The following GPSM1 variants were observed in gnomAD, a reference collection of about 807,000 sequenced individuals.
The protein encoded by GPSM1 is G protein-signaling modulator 1.
A neutral mutation model predicts 70.5 loss-of-function variants in GPSM1; 48 were observed. That is an observed-to-expected ratio of 0.68 (90% CI 0.54 to 0.87). The LOEUF (loss-of-function observed/expected upper bound fraction) is 0.87, where lower values mean the gene tolerates loss of function less well. GPSM1 is among the 40% of genes least tolerant of loss of function. The pLI, the probability that GPSM1 is intolerant of heterozygous loss-of-function variation, is 0.00. For synonymous variants in GPSM1, 416 were observed against 430.1 expected, an observed-to-expected ratio of 0.97 and a Z score of 0.41; for missense variants, 981 against 972.6, an observed-to-expected ratio of 1.01 and a Z score of -0.11.
rs566955543 is a variant in GPSM1, at chr9:136,358,296, C to T, written c.*76C>T. The T allele has an allele frequency of 7.3e-5, 96 of 1,307,544 alleles. No individual in the cohort carries two copies. In the Middle Eastern group the frequency reaches 7.6e-4, roughly 10 times the overall value. 81.0% of individuals were successfully genotyped at this position (1,307,544 alleles called of 1,614,324 possible). A position where few individuals can be genotyped will look rare whatever the true frequency, so the allele number is the denominator to read the frequency against. ...TCTCACAGTCACAGCCACGTCCTCC[C>T]GAGGCCATTGCCGAGGACAGGCACT... is the stretch of plus-strand genomic sequence containing the variant. On this transcript the variant is annotated 3_prime_UTR_variant, in exon 14 of 14. Coordinates refer to ENST00000440944, the MANE Select transcript of GPSM1 (RefSeq NM_001145638.3).
chr9:136,337,922 T>C lies in GPSM1; in HGVS notation c.779T>C (p.Val260Ala). Residue 260 changes from valine to alanine, a missense_variant, in exon 6 of 14, where the codon GTC becomes GCC. Transcript: ENST00000440944. ...TACAGCAACCTGGGGAACGCCCACG[T>C]CTTCCTGGGGCGCTTTGACGTGGCC... ...RAYSNLGNAH[V>A]FLGRFDVAAE... 1 of 1,612,450 alleles carries C rather than the reference T, an allele frequency of 6.2e-7. No individual in the cohort carries two copies. Among genetic ancestry groups the C allele is most frequent in the Non-Finnish European group, 8.5e-7 (1 of 1,179,670 alleles).
chr9:136,354,597 G>T (rs1261099212), intron 11 of GPSM1, among the ~76,000 whole-genome samples: 1 of 152,238 alleles, frequency 6.6e-6, no homozygotes, highest in Non-Finnish European at 1.5e-5. Flanking sequence ...GGAGGTGGAC[G>T]GGGCTTGGAA....
At chr9:136,349,483 G>C in intron 10 of GPSM1, 104 bp from the exon 11 acceptor site, 1 of 1,011,156 alleles carries the variant, frequency 9.9e-7, no homozygotes, top group African/African-American at 1.6e-5. Context: ...CACCTACGGC[G>C]TGCATCCATG....
At chr9:136,356,578 C>G in intron 13 of GPSM1, 28 bp downstream of exon 13, 9 of 1,544,504 alleles carry the variant, frequency 5.8e-6, no homozygotes, top group Non-Finnish European at 8.0e-6. Flanking sequence ...GCGGGCGTGG[C>G]TCGCGGCCCC....
chr9:136,356,587 C>T (rs1424158079), intron 13 of GPSM1, 37 bp downstream of exon 13: 1 of 1,505,932 alleles, frequency 6.6e-7, no homozygotes, highest in Non-Finnish European at 9.1e-7. Context: ...GCTCGCGGCC[C>T]CTTTGCCATC....
At chr9:136,347,618 C>T (rs962594339) in intron 9 of GPSM1, among the ~76,000 whole-genome samples, 7 of 152,220 alleles carry the variant, frequency 4.6e-5, no homozygotes, top group Non-Finnish European at 7.3e-5. Flanking sequence ...TCCGTCCCGC[C>T]GCCTCCTCAG....
chr9:136,355,769 A>G lies in GPSM1; in HGVS notation c.1535A>G (p.Asp512Gly). The change falls in exon 12 of 14, where the codon GAC (aspartate) becomes GGC (glycine). Residue 512 changes from aspartate (D) to glycine (G), a missense_variant. Physicochemically the swap from Asp to Gly is moderately conservative, Grantham distance 94. Transcript: ENST00000440944. Reference sequence around the variant, plus strand: ...AAGTTCCAGAGCAGCCGCATGGACGACCAGCGTTGTCCCCTGGACGATGGC... The same window carrying G: ...AAGTTCCAGAGCAGCCGCATGGACGGCCAGCGTTGTCCCCTGGACGATGGC... ...LTKFQSSRMDDQRCPLDDGQA... is the reference protein window; with the variant it reads ...LTKFQSSRMDGQRCPLDDGQA... 6 of 1,612,296 alleles carry G rather than the reference A, an allele frequency of 3.7e-6. No homozygotes were observed. Among genetic ancestry groups the G allele is most frequent in the Non-Finnish European group, 5.1e-6 (6 of 1,179,444 alleles).
intron 1 of GPSM1, among the ~76,000 whole-genome samples, chr9:136,330,589 G>A (rs1465753734): frequency 2.6e-5 from 4 of 152,184 alleles, no homozygotes; most frequent in African/African-American, 9.7e-5. Flanking sequence ...AGGGGAGTCG[G>A]TGTGGTTTTC....
intron 3 of GPSM1, 30 bp downstream of exon 3, chr9:136,336,131 C>T: frequency 6.2e-7 from 1 of 1,602,142 alleles, no homozygotes. Flanking sequence ...CTGGGTGTCT[C>T]CCACCCCTGC....
rs1588688898 is a variant in GPSM1, at chr9:136,331,853, C to A, written c.69-2594C>A. ...GTCAGGGATTGGGGAGGCCCCCGAG[C>A]ACCTGCTGGAGGACTGGCAGTCCCC... On this transcript the variant is annotated intron_variant, in intron 1 of 13. Coordinates refer to ENST00000440944, the MANE Select transcript of GPSM1 (RefSeq NM_001145638.3). 17 of 395,802 alleles carry A rather than the reference C, an allele frequency of 4.3e-5. No homozygotes were observed. The East Asian group carries it at 5.7e-4, about 13-fold the overall frequency. The allele number at this position is 395,802 out of a possible 1,614,324, so 24.5% of individuals were successfully genotyped here.
intron 11 of GPSM1, chr9:136,355,019 G>A (rs568578035): frequency 1.2e-5 from 13 of 1,078,256 alleles, no homozygotes; most frequent in South Asian, 1.1e-4. Context: ...GGCGGGTGCC[G>A]AGGGTGAGTG....
intron 1 of GPSM1, 45 bp downstream of exon 1, chr9:136,327,808 A>AC (rs1832010965): frequency 1.2e-6 from 1 of 816,426 alleles, no homozygotes; most frequent in East Asian, 4.1e-5. Flanking sequence ...CTGGGACCGG[A>AC]CCGGGCCGGG....
rs373655740 is a variant in GPSM1 at position 136,332,753 on chromosome 9, G to C, written c.69-1694G>C. 2.6e-5 allele frequency among the ~76,000 whole-genome samples: 4 copies of C among 151,712 alleles called. No individual in the cohort carries two copies. The East Asian group carries it at 7.8e-4, about 29-fold the overall frequency. On this transcript the variant is annotated intron_variant, in intron 1 of 13. Transcript: ENST00000440944. ...GAGGTGCCTGGCAGGTAGTGGGTGGGAGGGCCTGGCCCTGAGGTGAGAGGA... is the reference window on the plus strand; with the variant it reads ...GAGGTGCCTGGCAGGTAGTGGGTGGCAGGGCCTGGCCCTGAGGTGAGAGGA...
At chr9:136,346,965 G>A (rs797028482) in intron 9 of GPSM1, among the ~76,000 whole-genome samples, 16 of 152,314 alleles carry the variant, frequency 1.1e-4, no homozygotes, top group African/African-American at 3.6e-4. Context: ...CTGAGGCCCC[G>A]GCACCCTGCC....
chr9:136,352,048 T>TACCAATACTGCGCCGTTGCTGTTGGTGAC (rs1341797291), intron 11 of GPSM1, among the ~76,000 whole-genome samples: 3 of 126,258 alleles, frequency 2.4e-5, no homozygotes, highest in South Asian at 2.7e-4. Flanking sequence ...GTGCAGCTGA[T>TACCAATACTGCGCCGTTGCTGTTGGTGAC]ACCAATACTG....
chr9:136,337,406 G>A, intron 4 of GPSM1, 35 bp from the exon 5 acceptor site: 3 of 1,561,784 alleles, frequency 1.9e-6, no homozygotes, highest in Admixed American at 1.9e-5. Flanking sequence ...GACATGGGCT[G>A]GGAGGGACAC....
intron 3 of GPSM1, among the ~76,000 whole-genome samples, 162 bp from the exon 4 acceptor site, chr9:136,336,759 C>T (rs1238027885): frequency 4.6e-5 from 7 of 152,144 alleles, no homozygotes; most frequent in African/African-American, 7.2e-5. Context: ...CCGGGTGTGC[C>T]GTCCTCAGGC....
intron 1 of GPSM1, 123 bp downstream of exon 1, chr9:136,327,886 A>T: frequency 4.4e-6 from 1 of 226,576 alleles, no homozygotes; most frequent in Non-Finnish European, 7.9e-6. Context: ...GTGGCTGAGG[A>T]CGCGCCCCTC....
rs145977405 is a variant in GPSM1, at chr9:136,328,250, A to G, written c.68+487A>G. Among the ~76,000 whole-genome samples, 443 of 152,330 alleles carry G rather than the reference A, an allele frequency of 2.9e-3. 2 individuals are homozygous for G. Among genetic ancestry groups the G allele is most frequent in the African/African-American group, 0.01 (423 of 41,592 alleles). On this transcript the variant is annotated intron_variant, in intron 1 of 13. Transcript: ENST00000440944. Reference sequence around the variant, plus strand: ...CTGAAAAGGCATCTACTCTCCGGGCACATTCCTGGGTGATCCCAGTGACTG... The same window carrying G: ...CTGAAAAGGCATCTACTCTCCGGGCGCATTCCTGGGTGATCCCAGTGACTG...
Sources: gnomAD v4.1 joint callset for allele counts (sites outside exome capture counted in the v4.1 genomes callset) on GRCh38, gnomAD v4.1.1 for gene constraint, MANE v1.5 for transcripts, NCBI Gene and HGNC (gene_info 2026-07-23, HGNC 2026-07-21) for gene names.